The following PCDHA10 variants were observed in gnomAD, a reference collection of about 807,000 sequenced individuals.
PCDHA10 encodes protocadherin alpha 10.
Under a neutral mutation model 61.2 loss-of-function variants are expected in PCDHA10, and 45 were observed. That is an observed-to-expected ratio of 0.74 (90% CI 0.58 to 0.94). PCDHA10 has a LOEUF of 0.94. Among genes scored for constraint, PCDHA10 ranks in the 40% least tolerant of loss-of-function variants. The pLI is 0.00. For missense variants in PCDHA10, 1,278 were observed against 1,236.2 expected (o/e 1.03, Z -0.51); for synonymous variants, 602 against 548.8 (o/e 1.10, Z -1.35).
At chr5:140,914,583 A>C (rs1583912822) in intron 1 of PCDHA10, among the ~76,000 whole-genome samples, 1 of 151,992 alleles carries the variant, frequency 6.6e-6, no homozygotes, top group East Asian at 1.9e-4. Flanking sequence ...CAATAATTTC[A>C]TTTAAGTAGG....
chr5:140,928,664 G>A (rs186350151), intron 1 of PCDHA10: 2 of 1,614,214 alleles, frequency 1.2e-6, no homozygotes, highest in Non-Finnish European at 1.7e-6. Context: ...GCTGACAGTG[G>A]TTCTAATGCC....
intron 1 of PCDHA10, among the ~76,000 whole-genome samples, chr5:140,978,417 A>G (rs2096800848): frequency 6.6e-6 from 1 of 152,158 alleles, no homozygotes. Context: ...CAGAAAAGAG[A>G]CTGTTATCAG....
chr5:140,986,195 A>G (rs1200850544), intron 3 of PCDHA10, among the ~76,000 whole-genome samples: 1 of 152,314 alleles, frequency 6.6e-6, no homozygotes, highest in Non-Finnish European at 1.5e-5. Context: ...TAAATTGGTT[A>G]ATCCTGATTA....
intron 1 of PCDHA10, chr5:140,869,037 C>A: frequency 1.3e-6 from 2 of 1,528,404 alleles, no homozygotes; most frequent in South Asian, 2.6e-5. Context: ...AGATTTTTAA[C>A]CTGAAACTGA....
chr5:140,928,313 T>TG (rs1554205740), intron 1 of PCDHA10: 1 of 1,614,172 alleles, frequency 6.2e-7, no homozygotes, highest in Non-Finnish European at 8.5e-7. Flanking sequence ...GACCCCGACC[T>TG]GGGGAAGAAT....
chr5:140,978,182 AC>A (rs1240611427), intron 1 of PCDHA10, among the ~76,000 whole-genome samples: 1 of 152,186 alleles, frequency 6.6e-6, no homozygotes, highest in African/African-American at 2.4e-5. Context: ...AGAGAGGGCA[AC>A]AGATCTTTTC....
chr5:140,980,635 A>AT (rs1224584187), intron 2 of PCDHA10, among the ~76,000 whole-genome samples: 1 of 152,232 alleles, frequency 6.6e-6, no homozygotes, highest in Non-Finnish European at 1.5e-5. Context: ...TCTCAGAAGA[A>AT]TAAATAAATG....
chr5:140,925,048 C>A (rs574148178), intron 1 of PCDHA10, among the ~76,000 whole-genome samples: 1 of 150,658 alleles, frequency 6.6e-6, no homozygotes, highest in South Asian at 2.1e-4. Flanking sequence ...AAGTTTGAGA[C>A]CAGACTGGGC....
At chr5:140,871,596 C>A in intron 1 of PCDHA10, 1 of 1,453,960 alleles carries the variant, frequency 6.9e-7, no homozygotes. Context: ...TATGAATAAC[C>A]AGTGTTTTGA....
chr5:140,992,381 T>C (rs890804495), intron 3 of PCDHA10, among the ~76,000 whole-genome samples: 5 of 152,200 alleles, frequency 3.3e-5, no homozygotes, highest in Admixed American at 1.3e-4. Context: ...TACATTATTG[T>C]GTTCTGGACT....
intron 1 of PCDHA10, chr5:140,877,758 G>C: frequency 6.2e-7 from 1 of 1,614,190 alleles, no homozygotes; most frequent in Non-Finnish European, 8.5e-7. Context: ...GCTCTGCAGA[G>C]AGCCCGCCCA....
chr5:140,876,499 G>C, intron 1 of PCDHA10: 1 of 1,614,028 alleles, frequency 6.2e-7, no homozygotes, highest in South Asian at 1.1e-5. Flanking sequence ...AGTTCTGGAC[G>C]TGAATGACAA....
chr5:140,882,111 C>A, intron 1 of PCDHA10: 1 of 1,379,348 alleles, frequency 7.2e-7, no homozygotes, highest in Non-Finnish European at 9.8e-7. Context: ...GCGAAGAAAG[C>A]CGCCGTTTCT....
intron 1 of PCDHA10, among the ~76,000 whole-genome samples, chr5:140,977,050 G>A (rs546385020): frequency 6.6e-6 from 1 of 152,162 alleles, no homozygotes; most frequent in Non-Finnish European, 1.5e-5. Context: ...TGTTGCTGAT[G>A]GACTAGTATA....
chr5:141,001,324 C>G (rs1455380423), intron 3 of PCDHA10, among the ~76,000 whole-genome samples: 2 of 152,154 alleles, frequency 1.3e-5, no homozygotes, highest in Non-Finnish European at 1.5e-5. Flanking sequence ...TGCCAAACAT[C>G]ACCATAATTT....
intron 1 of PCDHA10, among the ~76,000 whole-genome samples, chr5:140,976,053 A>G (rs1174656934): frequency 2.6e-5 from 4 of 152,222 alleles, no homozygotes; most frequent in Non-Finnish European, 5.9e-5. Flanking sequence ...AAATTGTGAT[A>G]GTAATATATG....
At chr5:140,999,051 C>T (rs972072595) in intron 3 of PCDHA10, among the ~76,000 whole-genome samples, 6 of 152,196 alleles carry the variant, frequency 3.9e-5, no homozygotes, top group African/African-American at 9.7e-5. Flanking sequence ...TGCTTTCCAC[C>T]ATGCCTAAGT....
At chr5:140,871,415 T>C in intron 1 of PCDHA10, 1 of 1,613,926 alleles carries the variant, frequency 6.2e-7, no homozygotes, top group Non-Finnish European at 8.5e-7. Context: ...CTCATGGCCT[T>C]CAGCCCCAGT....
At chr5:140,870,014 A>G (rs782103858) in intron 1 of PCDHA10, 3 of 1,613,612 alleles carry the variant, frequency 1.9e-6, no homozygotes, top group Non-Finnish European at 2.5e-6. Flanking sequence ...GTGAGGGTCA[A>G]TGGAACTTTA....
Sources: gnomAD v4.1 joint callset for allele counts (sites outside exome capture counted in the v4.1 genomes callset) on GRCh38, gnomAD v4.1.1 for gene constraint, MANE v1.5 for transcripts, NCBI Gene and HGNC (gene_info 2026-07-23, HGNC 2026-07-21) for gene names.